The following NACC2 variants were observed in gnomAD, a reference collection of about 807,000 sequenced individuals.
NACC2 encodes NACC family member 2.
NACC2 carries 8 observed loss-of-function variants against 25.1 expected under a neutral mutation model. That is an observed-to-expected ratio of 0.32 (90% CI 0.19 to 0.57). The LOEUF is 0.57. NACC2 is among the 20% of genes least tolerant of loss of function. The pLI is 0.89. For missense variants in NACC2, 644 were observed against 650.2 expected (o/e 0.99, Z 0.10); for synonymous variants, 435 against 294.7 (o/e 1.48, Z -4.88).
chr9:136,024,530 TGTGGACAGTGTGTGTGA>T (rs1399371641), intron 2 of NACC2, among the ~76,000 whole-genome samples: 14 of 104,890 alleles, frequency 1.3e-4, no homozygotes, highest in East Asian at 3.8e-4. Flanking sequence ...TGTGTGTGTG[TGTGGACAGTGTGTGTGA>T]GGACAGTGTG....
intron 1 of NACC2, among the ~76,000 whole-genome samples, chr9:136,091,133 G>C (rs775433115): frequency 6.6e-6 from 1 of 152,178 alleles, no homozygotes; most frequent in Non-Finnish European, 1.5e-5. Flanking sequence ...TTGTTCTCCC[G>C]GGAGACTCCA....
rs79577435 is a variant in NACC2, at chr9:136,084,641, G to A, written c.-60+10548C>T. 3.2e-3 allele frequency among the ~76,000 whole-genome samples: 485 copies of A among 152,352 alleles called. 3 individuals carry two copies. Among genetic ancestry groups the A allele is most frequent in the African/African-American group, 0.011 (448 of 41,570 alleles). On this transcript the variant is annotated intron_variant, in intron 1 of 5. Coordinates refer to ENST00000277554, the MANE Select transcript of NACC2 (RefSeq NM_144653.5). The surrounding 1 kb of genome is among the most constrained non-coding windows in gnomAD (Gnocchi z 5.1). ...AGACTCAAACAGACGCGCACGCCACGTCCATAGCGGCAGCACCAGACAGCC... is the reference window on the plus strand; with the variant it reads ...AGACTCAAACAGACGCGCACGCCACATCCATAGCGGCAGCACCAGACAGCC...
At chr9:136,035,234 G>A (rs1401215076) in intron 2 of NACC2, among the ~76,000 whole-genome samples, 1 of 152,086 alleles carries the variant, frequency 6.6e-6, no homozygotes, top group African/African-American at 2.4e-5. Flanking sequence ...TTCTCACAAA[G>A]GGGAGAACAG....
chr9:136,080,883 C>T (rs960815075), intron 1 of NACC2, among the ~76,000 whole-genome samples: 23 of 152,300 alleles, frequency 1.5e-4, no homozygotes, highest in African/African-American at 4.6e-4. Context: ...CCAGCAGAGC[C>T]GCCCCTGCGT....
chr9:136,013,360 C>A lies in NACC2; in HGVS notation c.1158-64G>T. The A allele has an allele frequency of 2.0e-6, 3 of 1,485,870 alleles. No homozygotes were observed. The highest frequency in any genetic ancestry group is 2.8e-6 in the Non-Finnish European group (3 of 1,077,748). 92.0% of individuals were successfully genotyped at this position (1,485,870 alleles called of 1,614,324 possible). A position where few individuals can be genotyped will look rare whatever the true frequency, so the allele number is the denominator to read the frequency against. On this transcript the variant is annotated intron_variant, in intron 4 of 5. Coordinates refer to ENST00000277554, the MANE Select transcript of NACC2 (RefSeq NM_144653.5). The surrounding 1 kb of genome is among the most constrained non-coding windows in gnomAD (Gnocchi z 6.6). Reference sequence around the variant, plus strand: ...ATGGGGAGGGTACCTGGAGGCGACCCGCCCGCACGAATGCCCTGCTGGGAG... The same window carrying A: ...ATGGGGAGGGTACCTGGAGGCGACCAGCCCGCACGAATGCCCTGCTGGGAG...
At chr9:136,027,813 C>T (rs1022455711) in intron 2 of NACC2, among the ~76,000 whole-genome samples, 14 of 151,720 alleles carry the variant, frequency 9.2e-5, no homozygotes, top group South Asian at 8.3e-4. Flanking sequence ...AATATAATAG[C>T]AAAGTAAACA....
At chr9:136,031,816 A>G (rs1050894740) in intron 2 of NACC2, among the ~76,000 whole-genome samples, 3 of 152,238 alleles carry the variant, frequency 2.0e-5, no homozygotes, top group African/African-American at 7.2e-5. Context: ...GTGGCCACTC[A>G]TGGAACCGAT....
At chr9:136,012,201 C>G (rs1025049650) in intron 5 of NACC2, among the ~76,000 whole-genome samples, 177 bp from the exon 6 acceptor site, 10 of 152,254 alleles carry the variant, frequency 6.6e-5, no homozygotes, top group Admixed American at 2.6e-4. Context: ...TTTCTCACTG[C>G]TCGGCCTGGG....
rs977863629 is a variant in NACC2, at chr9:136,020,864, C to T, written c.887-4435G>A. ...TCAACGGAGGAGGCAGCAGCCTTCA[C>T]AAATGGGGCTTGAGCAACTGGCCAT... On this transcript the variant is annotated intron_variant, in intron 2 of 5. Coordinates refer to ENST00000277554, the MANE Select transcript of NACC2 (RefSeq NM_144653.5). The surrounding 1 kb of genome is among the most constrained non-coding windows in gnomAD (Gnocchi z 4.7). Among the ~76,000 whole-genome samples, 2 of 152,154 alleles carry T rather than the reference C, an allele frequency of 1.3e-5. No individual in the cohort carries two copies. The highest frequency in any genetic ancestry group is 2.9e-5 in the Non-Finnish European group (2 of 68,040).
Position 136,050,054 on chromosome 9 carries a change from C to A in NACC2, c.468G>T (p.Ala156=). 1.4e-6 allele frequency: 1 copy of A among 723,476 alleles called. No individual in the cohort carries two copies. The highest frequency in any genetic ancestry group is 2.5e-6 in the Non-Finnish European group (1 of 396,688). 44.8% of individuals were successfully genotyped at this position (723,476 alleles called of 1,614,324 possible). The change falls in exon 2 of 6, where the codon GCG becomes GCT. Residue 156 remains alanine, a synonymous_variant. Transcript: ENST00000277554. ...CNQLQPAAAA[A]APYVVSPSVP... ...CCGAGGGGGACACGACGTAGGGGGC[C>A]GCGGCGGCGGCGGCCGGCTGCAGCT...
intron 2 of NACC2, among the ~76,000 whole-genome samples, chr9:136,046,634 C>T (rs1355951093): frequency 6.6e-6 from 1 of 152,228 alleles, no homozygotes; most frequent in Non-Finnish European, 1.5e-5. Flanking sequence ...CAACCTCACA[C>T]ACCCATGCAT....
chr9:136,033,938 T>TGA (rs1411012613), intron 2 of NACC2, among the ~76,000 whole-genome samples: 35 of 132,074 alleles, frequency 2.7e-4, no homozygotes, highest in Non-Finnish European at 4.1e-4. Flanking sequence ...TGTGTGTGTG[T>TGA]GTGAGATATT....
intron 2 of NACC2, among the ~76,000 whole-genome samples, chr9:136,042,679 G>C (rs533941260): frequency 1.4e-5 from 2 of 148,082 alleles, no homozygotes. Context: ...CAGACACACA[G>C]ACATACACAC....
chr9:136,085,779 C>T (rs1184522936), intron 1 of NACC2, among the ~76,000 whole-genome samples: 1 of 152,198 alleles, frequency 6.6e-6, no homozygotes, highest in Non-Finnish European at 1.5e-5. Context: ...TACCTTTTTT[C>T]TTAAACATCT....
In NACC2 at chr9:136,049,727, G is replaced by A. The variant is rs1213532263; in HGVS notation, c.795C>T (p.Asn265=). 9 of 778,956 alleles carry A rather than the reference G, an allele frequency of 1.2e-5. No individual in the cohort carries two copies. The highest frequency in any genetic ancestry group is 5.1e-5 in the Admixed American group (3 of 58,930). The allele number at this position is 778,956 out of a possible 1,614,324, so 48.3% of individuals were successfully genotyped here. Reference sequence around the variant, plus strand: ...CCTCGTCGTCCTCCTCGTCCTCCTCGTTGTGGTACGAGGTGGGGCTGTCGG... The same window carrying A: ...CCTCGTCGTCCTCCTCGTCCTCCTCATTGTGGTACGAGGTGGGGCTGTCGG... ...PTTDSPTSYH[N]EEDEEDDEAY... The change falls in exon 2 of 6, where the codon AAC becomes AAT. Residue 265 remains asparagine, a synonymous_variant. Coordinates refer to ENST00000277554, the MANE Select transcript of NACC2 (RefSeq NM_144653.5).
intron 1 of NACC2, among the ~76,000 whole-genome samples, chr9:136,070,784 A>C (rs1048688567): frequency 2.6e-5 from 4 of 151,786 alleles, no homozygotes; most frequent in Non-Finnish European, 5.9e-5. Context: ...AAAATCAATG[A>C]AACAGCTGGG....
chr9:136,069,731 T>C (rs895971614), intron 1 of NACC2, among the ~76,000 whole-genome samples: 3 of 151,682 alleles, frequency 2.0e-5, no homozygotes, highest in African/African-American at 7.3e-5. Flanking sequence ...AGAGATAGAG[T>C]AGGACGTGAC....
chr9:136,024,375 TGTGTGTGAGGACAGAGG>T (rs1227522336), intron 2 of NACC2, among the ~76,000 whole-genome samples: 6 of 140,424 alleles, frequency 4.3e-5, no homozygotes, highest in African/African-American at 8.3e-5. Context: ...ACAGAAGGTG[TGTGTGTGAGGACAGAGG>T]GTGTGTGAGG....
At position 136,042,885 on chromosome 9, in the gene NACC2, C is replaced by G. The variant is rs1266500535; in HGVS notation, c.886+6751G>C. 3.4e-5 allele frequency among the ~76,000 whole-genome samples: 5 copies of G among 145,712 alleles called. 1 individual carries two copies. The highest frequency in any genetic ancestry group is 1.0e-4 in the African/African-American group (4 of 38,764). ...ACACAGAGACAAACAGACACACACA[C>G]AGACACATACAGACACACACAGAGA... On this transcript the variant is annotated intron_variant, in intron 2 of 5. Coordinates refer to ENST00000277554, the MANE Select transcript of NACC2 (RefSeq NM_144653.5).
Sources: gnomAD v4.1 joint callset for allele counts (sites outside exome capture counted in the v4.1 genomes callset) on GRCh38, gnomAD v4.1.1 for gene constraint, Gnocchi (gnomAD v3.1) non-coding constraint, MANE v1.5 for transcripts, NCBI Gene and HGNC (gene_info 2026-07-23, HGNC 2026-07-21) for gene names.